Variants in PSD3 observed in about 807,000 individuals in gnomAD.
PSD3 encodes the protein PH and SEC7 domain-containing protein 3.
A neutral mutation model predicts 105.5 loss-of-function variants in PSD3; 49 were observed. The observed-to-expected ratio is 0.46, with a 90% confidence interval of 0.37 to 0.59. PSD3 has a LOEUF of 0.59. Ranked by LOEUF, PSD3 falls within the 20% of genes least tolerant of loss-of-function variation. The pLI is 0.00. For synonymous variants in PSD3, 557 were observed against 457.8 expected (o/e 1.22, Z -2.77); for missense variants, 1,561 against 1,263.8 (o/e 1.24, Z -3.57).
chr8:18,748,703 G>C (rs932285448), intron 9 of PSD3, among the ~76,000 whole-genome samples: 1 of 149,730 alleles, frequency 6.7e-6, no homozygotes, highest in Non-Finnish European at 1.5e-5. Flanking sequence ...ATGTGGAATT[G>C]TTATAGAAAA....
intron 4 of PSD3, among the ~76,000 whole-genome samples, chr8:18,820,172 T>C (rs370671225): frequency 1.2e-3 from 4 of 3,392 alleles, no homozygotes; most frequent in Non-Finnish European, 4.8e-3. Flanking sequence ...ATTTTTTTCC[T>C]TTTTTTTTTT....
chr8:18,837,207 T>A (rs1201615420), intron 4 of PSD3, among the ~76,000 whole-genome samples: 1 of 152,064 alleles, frequency 6.6e-6, no homozygotes, highest in African/African-American at 2.4e-5. Context: ...CCAGACAGTA[T>A]AAGATAGACA....
chr8:18,957,369 CAA>C (rs58128598), intron 1 of PSD3, among the ~76,000 whole-genome samples: 162 of 137,640 alleles, frequency 1.2e-3, no homozygotes, highest in Admixed American at 1.1e-3. Flanking sequence ...GACTCCGTCT[CAA>C]AAAAAAAAAA....
At chr8:18,682,841 A>G (rs564533499) in intron 9 of PSD3, among the ~76,000 whole-genome samples, 1 of 151,864 alleles carries the variant, frequency 6.6e-6, no homozygotes, top group East Asian at 1.9e-4. Context: ...GCCTGATGTC[A>G]CTCTCAGTGG....
chr8:18,751,219 G>C (rs1805461470), intron 9 of PSD3, among the ~76,000 whole-genome samples: 1 of 152,192 alleles, frequency 6.6e-6, no homozygotes, highest in South Asian at 2.1e-4. Flanking sequence ...GCGAGAAATC[G>C]AGCACAGCGC....
At chr8:18,576,673 G>C (rs1043761840) in intron 12 of PSD3, among the ~76,000 whole-genome samples, 11 of 152,032 alleles carry the variant, frequency 7.2e-5, no homozygotes, top group Admixed American at 6.6e-4. Flanking sequence ...TTATAATTAC[G>C]CTATAACAGA....
At chr8:18,653,430 C>T (rs76880063) in intron 10 of PSD3, among the ~76,000 whole-genome samples, 1,864 of 151,866 alleles carry the variant, frequency 0.012, 34 homozygotes, top group African/African-American at 0.043. Context: ...TGAAGAGCAA[C>T]TTGCTTTATG....
At chr8:18,627,212 A>T (rs930888017) in intron 11 of PSD3, among the ~76,000 whole-genome samples, 1 of 152,232 alleles carries the variant, frequency 6.6e-6, no homozygotes, top group East Asian at 1.9e-4. Context: ...GAGGGTACCT[A>T]AACAGAGCCT....
intron 1 of PSD3, among the ~76,000 whole-genome samples, chr8:18,956,749 C>T (rs1823595695): frequency 6.6e-6 from 1 of 152,244 alleles, no homozygotes; most frequent in South Asian, 2.1e-4. Context: ...ATATATCCCT[C>T]TCTAGCTTAA....
At chr8:18,927,913 A>G (rs986036632) in intron 2 of PSD3, among the ~76,000 whole-genome samples, 2 of 152,238 alleles carry the variant, frequency 1.3e-5, no homozygotes, top group Non-Finnish European at 2.9e-5. Context: ...ATAAAATTGT[A>G]CAACTGTTGT....
intron 4 of PSD3, among the ~76,000 whole-genome samples, chr8:18,866,775 C>A (rs1417840876): frequency 1.3e-5 from 2 of 149,374 alleles, no homozygotes; most frequent in African/African-American, 5.0e-5. Context: ...AATATTAATA[C>A]TGGCTTTTTT....
intron 14 of PSD3, among the ~76,000 whole-genome samples, chr8:18,572,251 A>C (rs1031857750): frequency 2.6e-5 from 4 of 152,272 alleles, no homozygotes; most frequent in African/African-American, 9.6e-5. Flanking sequence ...AGTTAAAACA[A>C]ACAAAACATC....
At chr8:18,840,510 G>A (rs892961515) in intron 4 of PSD3, among the ~76,000 whole-genome samples, 8 of 152,218 alleles carry the variant, frequency 5.3e-5, no homozygotes, top group Non-Finnish European at 1.0e-4. Flanking sequence ...TGTGTACTAA[G>A]CACTTCCGAT....
intron 9 of PSD3, among the ~76,000 whole-genome samples, chr8:18,659,186 A>G (rs1809131867): frequency 6.6e-6 from 1 of 152,156 alleles, no homozygotes; most frequent in African/African-American, 2.4e-5. Context: ...TGAACTTCGC[A>G]GCCTCCCCTA....
At chr8:18,987,550 A>T (rs780528836) in intron 1 of PSD3, among the ~76,000 whole-genome samples, 2 of 151,990 alleles carry the variant, frequency 1.3e-5, no homozygotes, top group Non-Finnish European at 2.9e-5. Flanking sequence ...GCCTCCCAAA[A>T]ATCTCTGCCT....
chr8:18,623,335 G>A (rs1806252327), intron 11 of PSD3, among the ~76,000 whole-genome samples: 1 of 151,590 alleles, frequency 6.6e-6, no homozygotes, highest in Non-Finnish European at 1.5e-5. Context: ...TTATAGGCCA[G>A]GAGCAGTGGC....
intron 11 of PSD3, among the ~76,000 whole-genome samples, chr8:18,604,730 G>A (rs186478310): frequency 2.0e-5 from 3 of 152,194 alleles, no homozygotes; most frequent in Admixed American, 2.0e-4. Flanking sequence ...CAGAGCCAGG[G>A]CACTGCTGCC....
At chr8:18,540,253 T>C (rs758750520) in intron 15 of PSD3, among the ~76,000 whole-genome samples, 2 of 152,208 alleles carry the variant, frequency 1.3e-5, no homozygotes, top group Non-Finnish European at 2.9e-5. Context: ...TAAGACATAA[T>C]GCAATTGTAC....
chr8:18,675,359 G>A (rs1800010473), intron 9 of PSD3, among the ~76,000 whole-genome samples: 1 of 152,148 alleles, frequency 6.6e-6, no homozygotes. Context: ...AGTGCAAGAA[G>A]GAGATTAGAC....
Sources: allele counts gnomAD v4.1 joint callset (sites outside exome capture counted in the v4.1 genomes callset), GRCh38; gene constraint gnomAD v4.1.1; transcripts MANE v1.5; gene names NCBI Gene and HGNC (gene_info 2026-07-23, HGNC 2026-07-21).